COL8A1: variants seen among roughly 807,000 people sequenced by gnomAD.
The protein encoded by COL8A1 is collagen alpha-1(VIII) chain.
In COL8A1, 21 loss-of-function variants were observed where a neutral mutation model predicts 42.7. That is an observed-to-expected ratio of 0.49 (90% CI 0.35 to 0.71). The LOEUF (loss-of-function observed/expected upper bound fraction) is 0.71. COL8A1 is among the 30% of genes least tolerant of loss of function. The probability of loss-of-function intolerance (pLI) is 0.01; values close to 1 mark genes in which losing one functional copy is unlikely to be tolerated. For missense variants in COL8A1, 788 were observed against 962.4 expected (o/e 0.82, Z 2.40); for synonymous variants, 367 against 369.1 (o/e 0.99, Z 0.06).
chr3:99,764,748 G>A (rs6789694), intron 2 of COL8A1, among the ~76,000 whole-genome samples: 7,578 of 132,796 alleles, frequency 0.057, 290 homozygotes, highest in South Asian at 0.15. Flanking sequence ...CGCCCAGGCC[G>A]GAGTGCAGTG....
In COL8A1 at chr3:99,791,005, G is replaced by T. The variant is rs1168042848; in HGVS notation, c.323G>T (p.Gly108Val). Residue 108 changes from glycine (G) to valine (V), a missense_variant, in exon 3 of 4, where the codon GGC becomes GTC. By Grantham distance (109) the Gly-to-Val change is moderately radical (BLOSUM62 -3). This residue lies in a region of COL8A1 where 421 missense variants were observed against 553.1 expected (regional missense o/e 0.76). Coordinates refer to ENST00000652472, the MANE Select transcript of COL8A1 (RefSeq NM_020351.4). ...GGCAAGGAAGCCGTACCCAAGAAAG[G>T]CAAAGGTAACATCATACTCCCAGGC... ...RMGKEAVPKK[G>V]KEIPLASLRG... 2.5e-6 allele frequency: 4 copies of T among 1,610,282 alleles called. No individual in the cohort carries two copies. In the Admixed American group the frequency reaches 6.7e-5, roughly 27 times the overall value.
chr3:99,661,230 A>G (rs1938195063), intron 1 of COL8A1, among the ~76,000 whole-genome samples: 1 of 152,234 alleles, frequency 6.6e-6, no homozygotes, highest in Non-Finnish European at 1.5e-5. Context: ...TATCCAGAAT[A>G]TTTTTTAAAA....
intron 2 of COL8A1, among the ~76,000 whole-genome samples, chr3:99,776,753 A>G (rs35522745): frequency 0.087 from 13,287 of 152,268 alleles, 650 homozygotes; most frequent in Middle Eastern, 0.11. Flanking sequence ...AGCTAAGAAT[A>G]CTTATAATTG....
Position 99,790,758 on chromosome 3 carries a change from C to T in COL8A1, c.76C>T (p.Gln26Ter). The T allele has an allele frequency of 6.2e-7, 1 of 1,614,204 alleles. No homozygotes were observed. Among genetic ancestry groups the T allele is most frequent in the Non-Finnish European group, 8.5e-7 (1 of 1,180,036 alleles). The change falls in exon 3 of 4, where the codon CAG becomes TAG. Residue 26 changes from glutamine (Q) to a stop codon, truncating the protein, a stop_gained. Coordinates refer to ENST00000652472, the MANE Select transcript of COL8A1 (RefSeq NM_020351.4). LOFTEE classifies it high-confidence loss of function. ...TTCCCTGAGTTCCATCAGGCTCATTCAGGCTGGTGCCTACTATGGGATCAA... is the reference window on the plus strand; with the variant it reads ...TTCCCTGAGTTCCATCAGGCTCATTTAGGCTGGTGCCTACTATGGGATCAA... ...TISLSSIRLI[Q>*]AGAYYGIKPL... is the part of the protein sequence containing the mutation.
chr3:99,738,946 G>A (rs370861842), intron 1 of COL8A1, among the ~76,000 whole-genome samples: 90 of 152,240 alleles, frequency 5.9e-4, no homozygotes, highest in Admixed American at 3.5e-3. Flanking sequence ...TTTTAAGCCC[G>A]TCAGAAAAGC....
At chr3:99,748,150 C>G (rs769426309) in intron 2 of COL8A1, among the ~76,000 whole-genome samples, 3 of 152,218 alleles carry the variant, frequency 2.0e-5, no homozygotes, top group Non-Finnish European at 4.4e-5. Context: ...AACTAAATCA[C>G]TTTTTCAAGT....
chr3:99,790,847 T>A lies in COL8A1; in HGVS notation c.165T>A (p.Gly55=). 6.2e-7 allele frequency: 1 copy of A among 1,614,252 alleles called. No individual in the cohort carries two copies. Among genetic ancestry groups the A allele is most frequent in the African/African-American group, 1.3e-5 (1 of 75,062 alleles). Residue 55 remains glycine (G), a synonymous_variant, in exon 3 of 4, where the codon GGT becomes GGA. Coordinates refer to ENST00000652472, the MANE Select transcript of COL8A1 (RefSeq NM_020351.4). The part of the protein sequence containing the change: ...PPQIPQYQPL[G]QQVPHMPLAK... The stretch of plus-strand genomic sequence containing the variant: ...AAATTCCACAATACCAGCCCCTGGG[T>A]CAGCAAGTACCTCACATGCCTTTGG...
At chr3:99,682,613 A>T (rs2107324447) in intron 1 of COL8A1, among the ~76,000 whole-genome samples, 1 of 145,352 alleles carries the variant, frequency 6.9e-6, no homozygotes, top group African/African-American at 2.6e-5. Context: ...GGAATGTGAA[A>T]TTAAAAAAAA....
chr3:99,739,112 G>A (rs1258049387), intron 1 of COL8A1, among the ~76,000 whole-genome samples: 3 of 152,154 alleles, frequency 2.0e-5, no homozygotes, highest in African/African-American at 7.2e-5. Flanking sequence ...CCACTGACCT[G>A]TGCCCACTGT....
chr3:99,727,915 G>C (rs1940384814), intron 1 of COL8A1, among the ~76,000 whole-genome samples: 1 of 151,830 alleles, frequency 6.6e-6, no homozygotes, highest in Non-Finnish European at 1.5e-5. Context: ...AATAGATGCA[G>C]AAAAGGCCTT....
intron 2 of COL8A1, among the ~76,000 whole-genome samples, chr3:99,782,253 A>C (rs1038836453): frequency 5.9e-5 from 9 of 152,162 alleles, no homozygotes; most frequent in African/African-American, 1.9e-4. Context: ...TAGGGGGTGT[A>C]CAAACTCTCC....
chr3:99,679,133 T>C (rs192966084), intron 1 of COL8A1: 10 of 152,368 alleles, frequency 6.6e-5, no homozygotes, highest in African/African-American at 2.4e-4. Context: ...AAGAATAAGA[T>C]TGTTTCTTTC....
chr3:99,661,587 T>G (rs1431993775), intron 1 of COL8A1, among the ~76,000 whole-genome samples: 1 of 152,198 alleles, frequency 6.6e-6, no homozygotes, highest in East Asian at 1.9e-4. Flanking sequence ...AAAAATAGAA[T>G]TAGCATATTA....
intron 1 of COL8A1, among the ~76,000 whole-genome samples, chr3:99,738,905 G>A (rs982185034): frequency 6.6e-6 from 1 of 152,228 alleles, no homozygotes; most frequent in African/African-American, 2.4e-5. Flanking sequence ...CTCTGAGCCA[G>A]ATGTGGGATA....
intron 1 of COL8A1, among the ~76,000 whole-genome samples, chr3:99,727,673 G>T (rs1940375369): frequency 6.6e-6 from 1 of 151,894 alleles, no homozygotes; most frequent in African/African-American, 2.4e-5. Flanking sequence ...CCAAAGCCTG[G>T]CAGAGACACA....
intron 2 of COL8A1, among the ~76,000 whole-genome samples, chr3:99,748,317 T>C (rs1486445036): frequency 1.3e-5 from 2 of 152,196 alleles, no homozygotes; most frequent in African/African-American, 4.8e-5. Context: ...ACTGAGCATA[T>C]GAAATGTGGC....
chr3:99,642,556 C>T (rs1403382230), intron 1 of COL8A1, among the ~76,000 whole-genome samples: 4 of 152,200 alleles, frequency 2.6e-5, no homozygotes, highest in Non-Finnish European at 4.4e-5. Context: ...TGACAATTCA[C>T]CTTCGGTGTC....
chr3:99,672,060 CT>C (rs981334854), intron 1 of COL8A1, among the ~76,000 whole-genome samples: 2 of 152,004 alleles, frequency 1.3e-5, no homozygotes, highest in African/African-American at 4.8e-5. Context: ...ACTTTAGAGC[CT>C]GACAGCTTTT....
At chr3:99,727,468 T>C (rs542289835) in intron 1 of COL8A1, among the ~76,000 whole-genome samples, 14 of 151,710 alleles carry the variant, frequency 9.2e-5, no homozygotes, top group Non-Finnish European at 1.9e-4. Context: ...GGAGTGGTGA[T>C]TCTTGAATTA....
Sources: gnomAD v4.1 joint callset for allele counts (sites outside exome capture counted in the v4.1 genomes callset) on GRCh38, gnomAD v4.1.1 for gene constraint, gnomAD v4.1.1 regional missense constraint, MANE v1.5 for transcripts, NCBI Gene and HGNC (gene_info 2026-07-23, HGNC 2026-07-21) for gene names.